Variants in CYP3A7 observed in about 807,000 individuals in gnomAD.
CYP3A7 encodes cytochrome P450 3A7.
CYP3A7 carries 45 observed loss-of-function variants against 55.2 expected under a neutral mutation model. The ratio of observed to expected loss-of-function variants is 0.82; its 90% CI spans 0.64 to 1.05. CYP3A7 has a LOEUF of 1.05. Among genes scored for constraint, CYP3A7 ranks in the 50% least tolerant of loss-of-function variants. CYP3A7 has a pLI of 0.00. For synonymous variants in CYP3A7, 180 were observed against 207.4 expected (o/e 0.87, Z 1.13); for missense variants, 548 against 605.3 (o/e 0.91, Z 0.99).
chr7:99,708,612 T>C (rs1813615429), intron 11 of CYP3A7, among the ~76,000 whole-genome samples: 1 of 152,168 alleles, frequency 6.6e-6, no homozygotes, highest in African/African-American at 2.4e-5. Context: ...ATCACTGCTT[T>C]CTTTGTCTAT....
At chr7:99,717,685 G>A (rs1316314752) in intron 4 of CYP3A7, 46 bp from the exon 5 acceptor site, 2 of 1,604,228 alleles carry the variant, frequency 1.2e-6, no homozygotes, top group Admixed American at 3.4e-5. Flanking sequence ...AGTTGTGGAG[G>A]TCTCCATGGT....
At position 99,717,573 on chromosome 7, in the gene CYP3A7, T is replaced by A. The variant is rs527413554; in HGVS notation, c.385A>T (p.Ile129Leu). The change falls in exon 5 of 13, where the codon ATA becomes TTA. Residue 129 changes from isoleucine to leucine, a missense_variant. Transcript: ENST00000336374. Reference sequence around the variant, plus strand: ...AATGTTGGAGACAGCAATGATCGTATTCTCTTCCATTCTTCATCCTCAGCT... The same window carrying A: ...AATGTTGGAGACAGCAATGATCGTAATCTCTTCCATTCTTCATCCTCAGCT... ...SIAEDEEWKRIRSLLSPTFTS... is the reference protein window; with the variant it reads ...SIAEDEEWKRLRSLLSPTFTS... The A allele has an allele frequency of 1.6e-5, 26 of 1,613,652 alleles. No homozygotes were observed. Among genetic ancestry groups the A allele is most frequent in the Non-Finnish European group, 2.1e-5 (25 of 1,179,810 alleles).
rs527890603 is a variant in CYP3A7 at position 99,717,311 on chromosome 7, A to G, written c.433-46T>C. 8.7e-6 allele frequency: 14 copies of G among 1,613,464 alleles called. No individual in the cohort carries two copies. The African/African-American group carries it at 1.7e-4, about 20-fold the overall frequency. On this transcript the variant is annotated intron_variant, in intron 5 of 12. Transcript: ENST00000336374. Reference sequence around the variant, plus strand: ...CACCCATAGTTAAATGTGCAGACATAAGTCCCAGAAGGACATGACTTTGCC... The same window carrying G: ...CACCCATAGTTAAATGTGCAGACATGAGTCCCAGAAGGACATGACTTTGCC...
chr7:99,720,785 G>T (rs992860121), intron 3 of CYP3A7: 4 of 224,446 alleles, frequency 1.8e-5, no homozygotes, highest in African/African-American at 6.7e-5. Context: ...CCTTTATAAA[G>T]AGTATTAGGT....
At chr7:99,718,579 A>T (rs1365569480) in intron 4 of CYP3A7, among the ~76,000 whole-genome samples, 1 of 152,184 alleles carries the variant, frequency 6.6e-6, no homozygotes, top group Non-Finnish European at 1.5e-5. Flanking sequence ...ACTTCATCTA[A>T]ATCATTCTTG....
intron 3 of CYP3A7, 31 bp downstream of exon 3, chr7:99,722,265 T>A (rs1377426375): frequency 6.2e-7 from 1 of 1,613,176 alleles, no homozygotes; most frequent in Non-Finnish European, 8.5e-7. Context: ...TAGAAACAAG[T>A]CTATCCAATG....
Position 99,714,528 on chromosome 7 carries a change from C to G in CYP3A7, c.798+27G>C, listed in dbSNP as rs763888061. ...CTAAAAAATTATGAAAACTAAACAT[C>G]CTCCTATAACTACCACCACGTTTTA... On this transcript the variant is annotated intron_variant, in intron 8 of 12. Transcript: ENST00000336374. 17 of 1,610,622 alleles carry G rather than the reference C, an allele frequency of 1.1e-5. No individual in the cohort carries two copies. The African/African-American group carries it at 2.0e-4, about 19-fold the overall frequency.
chr7:99,715,461 A>G, intron 7 of CYP3A7: 1 of 373,112 alleles, frequency 2.7e-6, no homozygotes, highest in South Asian at 2.8e-5. Context: ...TGAAAAATTA[A>G]TATCATTTCT....
intron 11 of CYP3A7, 97 bp downstream of exon 11, chr7:99,708,938 G>A: frequency 7.4e-6 from 10 of 1,356,268 alleles, no homozygotes; most frequent in Non-Finnish European, 1.0e-5. Context: ...AAAAAGACAA[G>A]CAAACGATTG....
At chr7:99,722,134 C>T (rs1814226361) in intron 3 of CYP3A7, among the ~76,000 whole-genome samples, 162 bp downstream of exon 3, 1 of 152,182 alleles carries the variant, frequency 6.6e-6, no homozygotes, top group Admixed American at 6.5e-5. Context: ...TAATACTCTT[C>T]TCCCAAATAC....
rs1455002890 is a variant in CYP3A7 at position 99,705,213 on chromosome 7, G to A, written c.*287C>T. Reference sequence around the variant, plus strand: ...TTAATTATGTTATCAGAGCTCAGGAGGAGTTAATGGTGCTAACTGGGGGTG... The same window carrying A: ...TTAATTATGTTATCAGAGCTCAGGAAGAGTTAATGGTGCTAACTGGGGGTG... On this transcript the variant is annotated 3_prime_UTR_variant, in exon 13 of 13. Coordinates refer to ENST00000336374, the MANE Select transcript of CYP3A7 (RefSeq NM_000765.5). 1 of 335,142 alleles carries A rather than the reference G, an allele frequency of 3.0e-6. No homozygotes were observed. The highest frequency in any genetic ancestry group is 5.6e-6 in the Non-Finnish European group (1 of 178,270). 20.8% of individuals were successfully genotyped at this position (335,142 alleles called of 1,614,324 possible). A position where few individuals can be genotyped will look rare whatever the true frequency, so the allele number is the denominator to read the frequency against.
Position 99,714,634 on chromosome 7 carries a change from A to G in CYP3A7, c.719T>C (p.Val240Ala), listed in dbSNP as rs1403306192. The G allele has an allele frequency of 1.2e-6, 2 of 1,613,292 alleles. No homozygotes were observed. The highest frequency in any genetic ancestry group is 2.2e-5 in the South Asian group (2 of 91,010). ...AAAACTTATAACTTTTCTTGGAAAC[A>G]CAGTGATATTTAATGCTTCAAGAAT... is the stretch of plus-strand genomic sequence containing the variant. Reference protein sequence around the residue: ...TPILEALNITVFPRKVISFLT... With the variant: ...TPILEALNITAFPRKVISFLT... Residue 240 changes from valine (V) to alanine (A), a missense_variant, in exon 8 of 13, where the codon GTG (valine) becomes GCG (alanine). Coordinates refer to ENST00000336374, the MANE Select transcript of CYP3A7 (RefSeq NM_000765.5).
chr7:99,707,619 T>C (rs138170186), intron 12 of CYP3A7, among the ~76,000 whole-genome samples, 193 bp downstream of exon 12: 26 of 152,356 alleles, frequency 1.7e-4, no homozygotes, highest in African/African-American at 6.3e-4. Context: ...CATTGCATGA[T>C]GTTTTTAATG....
intron 2 of CYP3A7, among the ~76,000 whole-genome samples, chr7:99,723,066 G>T (rs1331710691): frequency 6.6e-6 from 1 of 152,050 alleles, no homozygotes; most frequent in African/African-American, 2.4e-5. Context: ...CAGGGGTGAA[G>T]TTTTAACTAT....
intron 4 of CYP3A7, 138 bp from the exon 5 acceptor site, chr7:99,717,777 T>C: frequency 9.7e-6 from 11 of 1,130,108 alleles, no homozygotes; most frequent in Non-Finnish European, 1.4e-5. Context: ...CTATGACAGA[T>C]GCTCAATAGG....
intron 2 of CYP3A7, among the ~76,000 whole-genome samples, chr7:99,725,921 G>A (rs781495272): frequency 6.6e-6 from 1 of 152,082 alleles, no homozygotes; most frequent in Admixed American, 6.6e-5. Flanking sequence ...GGGTATTGAC[G>A]GCCAGGTTTC....
intron 1 of CYP3A7, among the ~76,000 whole-genome samples, chr7:99,734,626 CT>C (rs559186958): frequency 1.2e-3 from 164 of 140,830 alleles, no homozygotes; most frequent in Middle Eastern, 3.6e-3. Context: ...TTTTTTTTCT[CT>C]TTTTTTTTTT....
At chr7:99,721,433 G>A (rs1402221981) in intron 3 of CYP3A7, among the ~76,000 whole-genome samples, 2 of 152,168 alleles carry the variant, frequency 1.3e-5, no homozygotes, top group Non-Finnish European at 2.9e-5. Flanking sequence ...AAAGTGAATC[G>A]ATGTGGGAAG....
intron 1 of CYP3A7, among the ~76,000 whole-genome samples, chr7:99,734,632 T>C (rs1295816359): frequency 1.3e-5 from 2 of 151,442 alleles, no homozygotes; most frequent in Non-Finnish European, 2.9e-5. Context: ...TTCTCTTTTT[T>C]TTTTTTTGAG....
Sources: gnomAD v4.1 joint callset for allele counts (sites outside exome capture counted in the v4.1 genomes callset) on GRCh38, gnomAD v4.1.1 for gene constraint, MANE v1.5 for transcripts, NCBI Gene and HGNC (gene_info 2026-07-23, HGNC 2026-07-21) for gene names.